The following PSD3 variants were observed in gnomAD, a reference collection of about 807,000 sequenced individuals.
PSD3 encodes pleckstrin and Sec7 domain containing 3, also known as PH and SEC7 domain-containing protein 3.
A neutral mutation model predicts 105.5 loss-of-function variants in PSD3; 49 were observed. The ratio of observed to expected loss-of-function variants is 0.46; its 90% CI spans 0.37 to 0.59. PSD3 has a LOEUF of 0.59. Ranked by LOEUF, PSD3 falls within the 20% of genes least tolerant of loss-of-function variation. The pLI, the probability that PSD3 is intolerant of heterozygous loss-of-function variation, is 0.00. For missense variants in PSD3, 1,561 were observed against 1,263.8 expected, an observed-to-expected ratio of 1.24 and a Z score of -3.57; for synonymous variants, 557 against 457.8, an observed-to-expected ratio of 1.22 and a Z score of -2.77.
chr8:18,594,916 C>T (rs897098544), intron 12 of PSD3, among the ~76,000 whole-genome samples: 1 of 151,688 alleles, frequency 6.6e-6, no homozygotes, highest in African/African-American at 2.4e-5. Context: ...ATTTCAATCT[C>T]AGGTTGGTTG....
chr8:18,760,660 G>GT (rs1806441835), intron 9 of PSD3, among the ~76,000 whole-genome samples: 1 of 152,118 alleles, frequency 6.6e-6, no homozygotes, highest in Non-Finnish European at 1.5e-5. Flanking sequence ...GGATGATTCC[G>GT]TATCTGGGCT....
At chr8:18,760,371 C>G (rs757125253) in intron 9 of PSD3, among the ~76,000 whole-genome samples, 1 of 152,096 alleles carries the variant, frequency 6.6e-6, no homozygotes, top group Non-Finnish European at 1.5e-5. Flanking sequence ...TTTATATAGT[C>G]GAAAGGAAAT....
chr8:18,652,262 G>C (rs1181886946), intron 10 of PSD3, among the ~76,000 whole-genome samples: 1 of 151,998 alleles, frequency 6.6e-6, no homozygotes, highest in Non-Finnish European at 1.5e-5. Flanking sequence ...TATATATATA[G>C]GAAGAATTTT....
intron 1 of PSD3, among the ~76,000 whole-genome samples, chr8:19,008,859 A>G (rs1222551648): frequency 6.6e-6 from 1 of 152,112 alleles, no homozygotes; most frequent in Non-Finnish European, 1.5e-5. Context: ...CCTCCTCCTC[A>G]TTGTTTCAAG....
At chr8:18,559,938 A>G (rs554114280) in intron 14 of PSD3, among the ~76,000 whole-genome samples, 6 of 152,300 alleles carry the variant, frequency 3.9e-5, no homozygotes, top group Admixed American at 2.6e-4. Flanking sequence ...ATTTTTACAA[A>G]GGAACTAACC....
chr8:18,944,622 A>G (rs993054521), intron 1 of PSD3, among the ~76,000 whole-genome samples: 2 of 147,916 alleles, frequency 1.4e-5, no homozygotes, highest in African/African-American at 5.0e-5. Flanking sequence ...AAATAAATAA[A>G]GTTTAAGTCA....
chr8:18,741,907 C>A (rs1238065515), intron 9 of PSD3, among the ~76,000 whole-genome samples: 1 of 146,720 alleles, frequency 6.8e-6, no homozygotes, highest in Admixed American at 6.8e-5. Context: ...AAAAAAAGTA[C>A]AACTGAAATG....
At chr8:18,697,480 T>C (rs1357321362) in intron 9 of PSD3, among the ~76,000 whole-genome samples, 1 of 152,252 alleles carries the variant, frequency 6.6e-6, no homozygotes, top group Admixed American at 6.5e-5. Context: ...GTGTTTCTTT[T>C]ATATACAGTA....
At chr8:18,615,241 C>T (rs569224534) in intron 11 of PSD3, among the ~76,000 whole-genome samples, 2 of 152,284 alleles carry the variant, frequency 1.3e-5, no homozygotes, top group East Asian at 1.9e-4. Flanking sequence ...CCTGCTCCAC[C>T]CTAACTCATT....
intron 9 of PSD3, among the ~76,000 whole-genome samples, chr8:18,744,871 G>A (rs1326145928): frequency 6.6e-6 from 1 of 152,122 alleles, no homozygotes; most frequent in Admixed American, 6.5e-5. Context: ...CCTCCATTTG[G>A]TGACAGTTCT....
chr8:18,609,043 G>A (rs1217164851), intron 11 of PSD3, among the ~76,000 whole-genome samples: 4 of 152,066 alleles, frequency 2.6e-5, no homozygotes, highest in Non-Finnish European at 5.9e-5. Context: ...TGGATAGAAA[G>A]TCATAATATG....
chr8:19,036,257 A>G (rs767337000), intron 1 of PSD3, among the ~76,000 whole-genome samples: 1 of 152,030 alleles, frequency 6.6e-6, no homozygotes, highest in African/African-American at 2.4e-5. Flanking sequence ...AATCTTGTCA[A>G]CTTCCCCAGT....
intron 10 of PSD3, among the ~76,000 whole-genome samples, chr8:18,652,225 A>T (rs1334642709): frequency 6.6e-6 from 1 of 152,138 alleles, no homozygotes; most frequent in Non-Finnish European, 1.5e-5. Context: ...CACTGAATTG[A>T]AACTTGGGAA....
At chr8:18,727,537 T>TAAAA (rs11397776) in intron 9 of PSD3, among the ~76,000 whole-genome samples, 1 of 143,078 alleles carries the variant, frequency 7.0e-6, no homozygotes, top group African/African-American at 2.6e-5. Flanking sequence ...ATAGCTAAAT[T>TAAAA]AAAAAAAAAT....
In PSD3 at chr8:18,735,936, T is replaced by C. The variant is rs150117086; in HGVS notation, c.2172+29513A>G. 6.2e-3 allele frequency among the ~76,000 whole-genome samples: 937 copies of C among 152,210 alleles called. 4 individuals are homozygous for C. The highest frequency in any genetic ancestry group is 9.9e-3 in the Non-Finnish European group (672 of 67,976). On this transcript the variant is annotated intron_variant, in intron 9 of 15. Transcript: ENST00000327040. ...CAGAATTCATTAAAAATACAAAGAA[T>C]AAATAAAAACAATTGATTTTTATGG...
At chr8:18,830,428 G>C (rs951400863) in intron 4 of PSD3, among the ~76,000 whole-genome samples, 2 of 152,174 alleles carry the variant, frequency 1.3e-5, no homozygotes, top group African/African-American at 4.8e-5. Context: ...GGTGACTCTT[G>C]CCTTACAACA....
intron 9 of PSD3, among the ~76,000 whole-genome samples, chr8:18,765,097 C>A (rs1381478733): frequency 6.6e-6 from 1 of 152,130 alleles, no homozygotes; most frequent in African/African-American, 2.4e-5. Context: ...CCATTATAGC[C>A]TGCAAATGCT....
At chr8:19,024,283 C>A (rs570422036) in intron 1 of PSD3, among the ~76,000 whole-genome samples, 5 of 152,098 alleles carry the variant, frequency 3.3e-5, no homozygotes, top group Non-Finnish European at 7.4e-5. Flanking sequence ...GTGGAAATTA[C>A]CTATGCTTGC....
At chr8:18,935,074 G>T (rs1469642901) in intron 2 of PSD3, among the ~76,000 whole-genome samples, 1 of 152,076 alleles carries the variant, frequency 6.6e-6, no homozygotes, top group African/African-American at 2.4e-5. Flanking sequence ...GGAAAATGGG[G>T]ATAACGGTAC....
Sources: allele counts gnomAD v4.1 joint callset (sites outside exome capture counted in the v4.1 genomes callset), GRCh38; gene constraint gnomAD v4.1.1; transcripts MANE v1.5; gene names NCBI Gene and HGNC (gene_info 2026-07-23, HGNC 2026-07-21).